The following CCDC33 variants were observed in gnomAD, a reference collection of about 807,000 sequenced individuals.
CCDC33 encodes the protein coiled-coil domain containing 33.
CCDC33 carries 94 observed loss-of-function variants against 91.9 expected under a neutral mutation model. The observed-to-expected ratio is 1.02, with a 90% CI of 0.87 to 1.21. The LOEUF (loss-of-function observed/expected upper bound fraction) is 1.21. Ranked by LOEUF, CCDC33 falls within the 50% of genes most tolerant of loss-of-function variation. The pLI is 0.00. For missense variants in CCDC33, 940 were observed against 935.5 expected, an observed-to-expected ratio of 1.00 and a Z score of -0.06; for synonymous variants, 396 against 374.5, an observed-to-expected ratio of 1.06 and a Z score of -0.66.
Position 74,295,947 on chromosome 15 carries a change from C to G in CCDC33, c.1289C>G (p.Thr430Arg), listed in dbSNP as rs758944378. 1 of 1,609,570 alleles carries G rather than the reference C, an allele frequency of 6.2e-7. No individual in the cohort carries two copies. The highest frequency in any genetic ancestry group is 1.3e-5 in the African/African-American group (1 of 74,888). ...EPLVPEMSHD[T>R]EMNNYRRAMQ... ...CTGGTGCCTGAGATGTCCCATGACACAGTGAGTGTCTCTCCCCAGGTGGGA... is the reference window on the plus strand; with the variant it reads ...CTGGTGCCTGAGATGTCCCATGACAGAGTGAGTGTCTCTCCCCAGGTGGGA... The change falls in exon 11 of 19, where the codon ACA becomes AGA. Residue 430 changes from threonine (T) to arginine (R), a missense_variant and splice_region_variant. Physicochemically the swap from Thr to Arg is moderately conservative, Grantham distance 71. Coordinates refer to ENST00000398814, the MANE Select transcript of CCDC33 (RefSeq NM_025055.5).
chr15:74,220,514 T>C (rs2074559889), intron 2 of CCDC33, among the ~76,000 whole-genome samples: 1 of 152,072 alleles, frequency 6.6e-6, no homozygotes, highest in Admixed American at 6.6e-5. Flanking sequence ...TGTCCCCTGC[T>C]CTCCAGGTCC....
chr15:74,245,908 C>G lies in CCDC33; in HGVS notation c.185+1760C>G, dbSNP rs560608437. Among the ~76,000 whole-genome samples the G allele has an allele frequency of 3.2e-3, 483 of 152,274 alleles. 1 individual carries two copies. The highest frequency in any genetic ancestry group is 0.011 in the African/African-American group (466 of 41,544). The stretch of plus-strand genomic sequence containing the variant: ...AGCTCGAGGTGGTGCTAATGAGATG[C>G]AAATGATGGGAGAAGGAAGGGCTTC... On this transcript the variant is annotated intron_variant, in intron 2 of 18. Coordinates refer to ENST00000398814, the MANE Select transcript of CCDC33 (RefSeq NM_025055.5).
intron 18 of CCDC33, 53 bp from the exon 19 acceptor site, chr15:74,335,872 G>C (rs2060555432): frequency 4.3e-6 from 6 of 1,400,232 alleles, no homozygotes; most frequent in Non-Finnish European, 6.1e-6. Flanking sequence ...CCCTTGAGCA[G>C]GTCACCCCCT....
At chr15:74,222,228 C>T (rs1444845607) in intron 2 of CCDC33, among the ~76,000 whole-genome samples, 2 of 152,206 alleles carry the variant, frequency 1.3e-5, no homozygotes, top group Non-Finnish European at 2.9e-5. Flanking sequence ...TGACAGTCTC[C>T]CACTGGCATA....
At chr15:74,261,301 T>A (rs542681384) in intron 2 of CCDC33, among the ~76,000 whole-genome samples, 1 of 152,180 alleles carries the variant, frequency 6.6e-6, no homozygotes, top group African/African-American at 2.4e-5. Flanking sequence ...GTCACTTAAG[T>A]CTAAAGGGCA....
chr15:74,247,276 A>G (rs1291716114), intron 2 of CCDC33, among the ~76,000 whole-genome samples: 1 of 152,012 alleles, frequency 6.6e-6, no homozygotes, highest in African/African-American at 2.4e-5. Flanking sequence ...CCCTATATTC[A>G]TTGCAGAATT....
rs189859101 is a variant in CCDC33, at chr15:74,291,619, C to T, written c.1096-4135C>T. On this transcript the variant is annotated intron_variant, in intron 10 of 18. Transcript: ENST00000398814. ...TCCAGCAAGAAGGCTCAGGGCGGGG[C>T]GAGAGGCAGGCAGGCCGGAAGGCGG... Among the ~76,000 whole-genome samples the T allele has an allele frequency of 9.2e-5, 14 of 152,344 alleles. No homozygotes were observed. The East Asian group carries it at 2.7e-3, about 29-fold the overall frequency.
At chr15:74,333,264 G>A (rs1318855506) in intron 16 of CCDC33, 1 of 1,603,578 alleles carries the variant, frequency 6.2e-7, no homozygotes, top group African/African-American at 1.3e-5. Context: ...TTGACAGAGA[G>A]GCTACAAGAG....
Position 74,280,100 on chromosome 15 carries a change from A to AC in CCDC33, c.889+12dup. 1 of 1,613,690 alleles carries AC rather than the reference A, an allele frequency of 6.2e-7. No individual in the cohort carries two copies. Among genetic ancestry groups the AC allele is most frequent in the Non-Finnish European group, 8.5e-7 (1 of 1,179,846 alleles). ...ACTACTCCTCAACTTCAAGTACGTG[A>AC]CCCCTGGTGCCTCGCCAGGGCAGCC... On this transcript the variant is annotated intron_variant, in intron 8 of 18. Transcript: ENST00000398814.
intron 10 of CCDC33, among the ~76,000 whole-genome samples, chr15:74,287,651 G>A (rs1444064174): frequency 5.3e-5 from 8 of 152,216 alleles, no homozygotes; most frequent in African/African-American, 1.7e-4. Flanking sequence ...GAGAAACCCC[G>A]TCTTTACTAA....
chr15:74,298,709 C>CT (rs35450110), intron 11 of CCDC33, among the ~76,000 whole-genome samples: 35,138 of 75,878 alleles, frequency 0.46, 9,583 homozygotes, highest in Non-Finnish European at 0.6. Context: ...CTAATTCTGC[C>CT]TTTTTTTTTT....
upstream of CCDC33, among the ~76,000 whole-genome samples, chr15:74,214,380 C>T (rs2074394698): frequency 6.6e-6 from 1 of 152,128 alleles, no homozygotes; most frequent in African/African-American, 2.4e-5. Context: ...CAGCCCACAT[C>T]CCTTACCCCT....
At chr15:74,315,010 A>T (rs1238920786) in intron 11 of CCDC33, among the ~76,000 whole-genome samples, 1 of 152,102 alleles carries the variant, frequency 6.6e-6, no homozygotes, top group African/African-American at 2.4e-5. Context: ...CGTGTGTCTG[A>T]TGCGGTGGTT....
chr15:74,256,491 C>T (rs1227014997), intron 2 of CCDC33, among the ~76,000 whole-genome samples: 1 of 152,172 alleles, frequency 6.6e-6, no homozygotes, highest in Non-Finnish European at 1.5e-5. Context: ...CTGGCAAGTC[C>T]TGCTGGGTTG....
chr15:74,280,699 GC>G lies in CCDC33; in HGVS notation c.925del (p.Leu309TrpfsTer8). On this transcript the variant is annotated frameshift_variant, in exon 9 of 19. Transcript: ENST00000398814. LOFTEE classifies it high-confidence loss of function. ...KGSQPWTLNQ[P>X]LGISVLPLKS... ...GCAGCCAGCCGTGGACCCTCAACCA[GC>G]CCCTGGGCATCTCTGTGTTGCCGCT... 2 of 1,543,558 alleles carry G rather than the reference GC, an allele frequency of 1.3e-6. No homozygotes were observed. The highest frequency in any genetic ancestry group is 2.5e-5 in the East Asian group (1 of 40,024).
At chr15:74,241,397 G>A (rs1027788842) in intron 1 of CCDC33, among the ~76,000 whole-genome samples, 4 of 152,212 alleles carry the variant, frequency 2.6e-5, no homozygotes, top group Non-Finnish European at 5.9e-5. Flanking sequence ...CACCCAGGGT[G>A]GAGCAGAGGA....
intron 2 of CCDC33, among the ~76,000 whole-genome samples, chr15:74,226,330 C>T (rs1595890700): frequency 1.3e-5 from 2 of 152,158 alleles, no homozygotes; most frequent in South Asian, 4.1e-4. Context: ...TGACTTGGAG[C>T]AGGTCCCTTA....
rs60263110 is a variant in CCDC33 at position 74,276,163 on chromosome 15, G to A, written c.759+3272G>A. Among the ~76,000 whole-genome samples the A allele has an allele frequency of 1.6e-3, 242 of 152,342 alleles. 1 individual carries two copies. The highest frequency in any genetic ancestry group is 5.5e-3 in the African/African-American group (227 of 41,574). ...GAAGGTTATGGAGGCGGAGCCACCC[G>A]AACCCAAGGGCCATCTGCTGGTGAT... On this transcript the variant is annotated intron_variant, in intron 7 of 18. Transcript: ENST00000398814.
At position 74,296,809 on chromosome 15, in the gene CCDC33, G is replaced by A. The variant is rs140627639; in HGVS notation, c.1290+861G>A. ...GAGTCAGTGCTGGGTTTCAGCCCTC[G>A]ATGCAGAGAGCTAAAGAATGGGCTA... On this transcript the variant is annotated intron_variant, in intron 11 of 18. Coordinates refer to ENST00000398814, the MANE Select transcript of CCDC33 (RefSeq NM_025055.5). Among the ~76,000 whole-genome samples, 169 of 152,246 alleles carry A rather than the reference G, an allele frequency of 1.1e-3. 1 individual carries two copies. The highest frequency in any genetic ancestry group is 2.0e-3 in the Admixed American group (30 of 15,282).
Sources: gnomAD v4.1 joint callset for allele counts (sites outside exome capture counted in the v4.1 genomes callset) on GRCh38, gnomAD v4.1.1 for gene constraint, MANE v1.5 for transcripts, NCBI Gene and HGNC (gene_info 2026-07-23, HGNC 2026-07-21) for gene names.